Variants in GALNT13 observed in about 807,000 individuals in gnomAD.
The protein encoded by GALNT13 is polypeptide N-acetylgalactosaminyltransferase 13, also known as UDP-GalNAc:polypeptide N-acetylgalactosaminyltransferase 13.
GALNT13 carries 28 observed loss-of-function variants against 64.2 expected under a neutral mutation model. The observed-to-expected ratio is 0.44, with a 90% CI of 0.32 to 0.60. The LOEUF is 0.60. Among genes scored for constraint, GALNT13 ranks in the 20% least tolerant of loss-of-function variants. The pLI is 0.05. For synonymous variants in GALNT13, 214 were observed against 224.6 expected (o/e 0.95, Z 0.42); for missense variants, 577 against 669.8 (o/e 0.86, Z 1.53).
intron 8 of GALNT13, among the ~76,000 whole-genome samples, chr2:154,274,341 G>T (rs945210882): frequency 6.6e-6 from 1 of 152,152 alleles, no homozygotes; most frequent in African/African-American, 2.4e-5. Flanking sequence ...AAGGGTATAT[G>T]TAGTCTTGTG....
At chr2:153,801,618 C>T in the GALNT13 span, among the ~76,000 whole-genome samples, 382 of 152,188 alleles carry the variant, frequency 2.5e-3, 1 homozygote, top group African/African-American at 7.8e-3. Context: ...TCAAAGATTA[C>T]TAATCACAGA....
At chr2:154,360,415 TCCAA>T (rs1295489418) in intron 9 of GALNT13, among the ~76,000 whole-genome samples, 2 of 152,176 alleles carry the variant, frequency 1.3e-5, no homozygotes, top group Admixed American at 1.3e-4. Flanking sequence ...CCATTCTTTG[TCCAA>T]CTTCTTAAAT....
chr2:153,102,198 C>T, the GALNT13 span, among the ~76,000 whole-genome samples: 1 of 152,112 alleles, frequency 6.6e-6, no homozygotes, highest in African/African-American at 2.4e-5. Flanking sequence ...CTCTTTCTCT[C>T]TCTATCTCCC....
the GALNT13 span, among the ~76,000 whole-genome samples, chr2:153,604,072 G>T: frequency 6.6e-6 from 1 of 152,004 alleles, no homozygotes; most frequent in Non-Finnish European, 1.5e-5. Flanking sequence ...ACAATGTAAA[G>T]ATGGCTAGTC....
At chr2:153,323,336 G>A in the GALNT13 span, among the ~76,000 whole-genome samples, 1 of 151,626 alleles carries the variant, frequency 6.6e-6, no homozygotes, top group Non-Finnish European at 1.5e-5. Context: ...CTTTTTGATA[G>A]GGTTTTTTTT....
chr2:154,297,387 C>T (rs1367967196), intron 8 of GALNT13, among the ~76,000 whole-genome samples: 2 of 152,088 alleles, frequency 1.3e-5, no homozygotes, highest in Non-Finnish European at 2.9e-5. Context: ...TCAATTACTG[C>T]CTCACATATG....
chr2:153,999,999 G>T (rs1285274125), intron 3 of GALNT13, among the ~76,000 whole-genome samples: 2 of 151,924 alleles, frequency 1.3e-5, no homozygotes, highest in South Asian at 4.1e-4. Flanking sequence ...CTTGTTATTT[G>T]TTATTAATTG....
the GALNT13 span, among the ~76,000 whole-genome samples, chr2:153,630,958 C>G: frequency 6.6e-6 from 1 of 150,860 alleles, no homozygotes; most frequent in East Asian, 2.0e-4. Flanking sequence ...TATGCCTCCC[C>G]ACTCCCGCCA....
the GALNT13 span, among the ~76,000 whole-genome samples, chr2:153,392,647 T>C: frequency 6.6e-6 from 1 of 152,026 alleles, no homozygotes; most frequent in Non-Finnish European, 1.5e-5. Flanking sequence ...GGGAGATCAG[T>C]CTTTTTTCTC....
intron 4 of GALNT13, among the ~76,000 whole-genome samples, chr2:154,143,490 G>C (rs975515605): frequency 2.0e-5 from 3 of 147,848 alleles, no homozygotes; most frequent in African/African-American, 7.5e-5. Flanking sequence ...TCAGAACCAT[G>C]AATTAAAAAA....
intron 4 of GALNT13, among the ~76,000 whole-genome samples, chr2:154,189,757 C>T (rs1486503768): frequency 6.6e-6 from 1 of 151,402 alleles, no homozygotes; most frequent in East Asian, 1.9e-4. Flanking sequence ...TCACTAACCA[C>T]ATTTTATTCC....
the GALNT13 span, among the ~76,000 whole-genome samples, chr2:153,362,207 G>A: frequency 1.3e-5 from 2 of 152,130 alleles, no homozygotes; most frequent in Non-Finnish European, 2.9e-5. Context: ...CCTTGCAAGA[G>A]CTCCTGAAGG....
chr2:153,599,224 T>C, the GALNT13 span, among the ~76,000 whole-genome samples: 1 of 152,098 alleles, frequency 6.6e-6, no homozygotes, highest in Non-Finnish European at 1.5e-5. Flanking sequence ...TAATTATTTA[T>C]CTCTTTATGG....
intron 4 of GALNT13, among the ~76,000 whole-genome samples, chr2:154,210,754 T>C (rs1559026886): frequency 1.3e-5 from 2 of 152,192 alleles, no homozygotes; most frequent in Non-Finnish European, 2.9e-5. Flanking sequence ...TGGTGGCAGA[T>C]AAACCATTTA....
the GALNT13 span, among the ~76,000 whole-genome samples, chr2:153,503,662 A>C: frequency 6.6e-6 from 1 of 152,100 alleles, no homozygotes; most frequent in Non-Finnish European, 1.5e-5. Flanking sequence ...GCTGGTATCA[A>C]ACTCCTGGCC....
chr2:153,100,337 G>A, the GALNT13 span, among the ~76,000 whole-genome samples: 3 of 152,202 alleles, frequency 2.0e-5, no homozygotes, highest in Non-Finnish European at 4.4e-5. Context: ...TGCAGTGAAT[G>A]GTGAGGAAAG....
chr2:153,259,707 C>A, the GALNT13 span, among the ~76,000 whole-genome samples: 2 of 152,180 alleles, frequency 1.3e-5, no homozygotes, highest in Middle Eastern at 6.3e-3. Context: ...CACCTTCTGC[C>A]ATGATAGTGA....
intron 4 of GALNT13, among the ~76,000 whole-genome samples, chr2:154,233,161 G>C (rs1312084309): frequency 6.6e-6 from 1 of 152,004 alleles, no homozygotes; most frequent in Non-Finnish European, 1.5e-5. Context: ...TGATGAAGAA[G>C]GAAACTGAGT....
chr2:154,269,169 G>A (rs1691184760), intron 8 of GALNT13, among the ~76,000 whole-genome samples: 3 of 152,028 alleles, frequency 2.0e-5, no homozygotes, highest in Non-Finnish European at 4.4e-5. Flanking sequence ...TGGTAAATGA[G>A]ACAATGAAAT....
Sources: gnomAD v4.1 joint callset for allele counts (sites outside exome capture counted in the v4.1 genomes callset) on GRCh38, gnomAD v4.1.1 for gene constraint, MANE v1.5 for transcripts, NCBI Gene and HGNC (gene_info 2026-07-23, HGNC 2026-07-21) for gene names.